The following ADORA2B variants were observed in gnomAD, a reference collection of about 807,000 sequenced individuals.
The protein encoded by ADORA2B is adenosine receptor A2b.
Under a neutral mutation model 20.8 loss-of-function variants are expected in ADORA2B, and 18 were observed. The observed-to-expected ratio is 0.87, with a 90% CI of 0.60 to 1.29. The LOEUF (loss-of-function observed/expected upper bound fraction) is 1.29. ADORA2B is among the 50% of genes most tolerant of loss of function. The probability of loss-of-function intolerance (pLI) is 0.00; values close to 1 mark genes in which losing one functional copy is unlikely to be tolerated. For missense variants in ADORA2B, 441 were observed against 422.7 expected (o/e 1.04, Z -0.38); for synonymous variants, 179 against 178.3 (o/e 1.00, Z -0.03).
chr17:15,967,231 CTTT>C (rs570632774), intron 1 of ADORA2B, among the ~76,000 whole-genome samples: 2 of 139,292 alleles, frequency 1.4e-5, no homozygotes, highest in East Asian at 2.1e-4. Flanking sequence ...ACCTGCTTGC[CTTT>C]TTTTTTTTTT....
At chr17:15,943,431 A>T (rs1969761836), upstream of ADORA2B, among the ~76,000 whole-genome samples, 1 of 152,060 alleles carries the variant, frequency 6.6e-6, no homozygotes, top group African/African-American at 2.4e-5. Context: ...GCCTCAAAGG[A>T]TCCTCCTGCC....
At chr17:15,872,204 C>T in the ADORA2B span, among the ~76,000 whole-genome samples, 48 of 152,196 alleles carry the variant, frequency 3.2e-4, no homozygotes, top group Non-Finnish European at 4.6e-4. Flanking sequence ...TAGTGATGGT[C>T]GCACAACATT....
At chr17:15,908,796 C>T in the ADORA2B span, among the ~76,000 whole-genome samples, 1 of 152,108 alleles carries the variant, frequency 6.6e-6, no homozygotes, top group Non-Finnish European at 1.5e-5. Flanking sequence ...ACAGAGTGTA[C>T]CTGTTTCAAA....
chr17:15,867,031 C>T, the ADORA2B span, among the ~76,000 whole-genome samples: 2 of 152,264 alleles, frequency 1.3e-5, no homozygotes, highest in Non-Finnish European at 2.9e-5. Context: ...GAGTGATCCG[C>T]CAGCCTCGGC....
At chr17:15,925,311 C>G in the ADORA2B span, among the ~76,000 whole-genome samples, 1 of 152,126 alleles carries the variant, frequency 6.6e-6, no homozygotes, top group African/African-American at 2.4e-5. Flanking sequence ...GCTGGAATTA[C>G]AGGCGTGAGC....
chr17:15,881,294 G>A, the ADORA2B span, among the ~76,000 whole-genome samples: 1 of 152,002 alleles, frequency 6.6e-6, no homozygotes, highest in Non-Finnish European at 1.5e-5. Context: ...GTAGAGACGG[G>A]GTTTCACTGT....
At chr17:15,905,240 G>A in the ADORA2B span, among the ~76,000 whole-genome samples, 2 of 147,512 alleles carry the variant, frequency 1.4e-5, no homozygotes, top group Non-Finnish European at 3.0e-5. Context: ...TATAGATCCT[G>A]CACATATTTT....
chr17:15,901,603 G>A, the ADORA2B span, among the ~76,000 whole-genome samples: 1 of 152,080 alleles, frequency 6.6e-6, no homozygotes, highest in Non-Finnish European at 1.5e-5. Context: ...TGGAGGTTCT[G>A]CAAAATGAAT....
At chr17:15,903,066 T>C in the ADORA2B span, among the ~76,000 whole-genome samples, 1 of 152,234 alleles carries the variant, frequency 6.6e-6, no homozygotes, top group Non-Finnish European at 1.5e-5. Context: ...TCACAATGAG[T>C]AGTTATTAAA....
the ADORA2B span, among the ~76,000 whole-genome samples, chr17:15,895,231 G>A: frequency 4.6e-5 from 7 of 152,012 alleles, no homozygotes; most frequent in Non-Finnish European, 8.8e-5. Context: ...ACACCTTCAC[G>A]GAAACATCTA....
the ADORA2B span, among the ~76,000 whole-genome samples, chr17:15,875,800 C>G: frequency 6.6e-6 from 1 of 152,144 alleles, no homozygotes. Context: ...AGGATGGTCT[C>G]GAACTTCTGA....
chr17:15,855,108 T>C, the ADORA2B span, among the ~76,000 whole-genome samples: 5 of 151,614 alleles, frequency 3.3e-5, no homozygotes, highest in Admixed American at 3.3e-4. Flanking sequence ...TCTATATTTT[T>C]TTAGTAGAGA....
intron 1 of ADORA2B, chr17:15,974,020 G>T (rs1354663217): frequency 1.3e-5 from 2 of 152,028 alleles, no homozygotes; most frequent in Non-Finnish European, 2.9e-5. Context: ...GTCACGTGGT[G>T]GAAGATAATT....
the ADORA2B span, among the ~76,000 whole-genome samples, chr17:15,859,213 C>G: frequency 1.3e-5 from 2 of 152,126 alleles, no homozygotes; most frequent in Non-Finnish European, 2.9e-5. Flanking sequence ...GTACTCCCCA[C>G]TTAGCCCCCT....
At chr17:15,874,770 T>A in the ADORA2B span, among the ~76,000 whole-genome samples, 1 of 152,092 alleles carries the variant, frequency 6.6e-6, no homozygotes, top group Non-Finnish European at 1.5e-5. Context: ...TGTGAAATAC[T>A]GCTAAATTTT....
the ADORA2B span, among the ~76,000 whole-genome samples, chr17:15,858,425 C>T: frequency 2.6e-5 from 4 of 152,300 alleles, no homozygotes; most frequent in East Asian, 7.7e-4. Flanking sequence ...CTTGAATATA[C>T]AGAGAACATT....
At chr17:15,877,277 A>G in the ADORA2B span, among the ~76,000 whole-genome samples, 7 of 152,150 alleles carry the variant, frequency 4.6e-5, no homozygotes, top group African/African-American at 1.7e-4. Context: ...TGTTTCCTAC[A>G]GTTCCTTTGT....
chr17:15,963,483 G>A (rs1970064696), intron 1 of ADORA2B, among the ~76,000 whole-genome samples: 1 of 152,162 alleles, frequency 6.6e-6, no homozygotes, highest in African/African-American at 2.4e-5. Flanking sequence ...CGTAACCCCA[G>A]CCTTGGGAGG....
chr17:15,959,017 G>A (rs1164286351), intron 1 of ADORA2B, among the ~76,000 whole-genome samples: 3 of 152,058 alleles, frequency 2.0e-5, no homozygotes, highest in Non-Finnish European at 4.4e-5. Flanking sequence ...GTGTATAATC[G>A]GGGGTGGGAT....
Sources: allele counts gnomAD v4.1 joint callset (sites outside exome capture counted in the v4.1 genomes callset), GRCh38; gene constraint gnomAD v4.1.1; transcripts MANE v1.5; gene names NCBI Gene and HGNC (gene_info 2026-07-23, HGNC 2026-07-21).